FHOD3: variants seen among roughly 807,000 people sequenced by gnomAD.
FHOD3 encodes FH1/FH2 domain-containing protein 3.
In FHOD3, 90 loss-of-function variants were observed where a neutral mutation model predicts 173.0. That is an observed-to-expected ratio of 0.52 (90% CI 0.44 to 0.62). The LOEUF is 0.62. FHOD3 is among the 20% of genes least tolerant of loss of function. The pLI is 0.00. For synonymous variants in FHOD3, 828 were observed against 823.0 expected, an observed-to-expected ratio of 1.01 and a Z score of -0.10; for missense variants, 1,945 against 2,034.7, an observed-to-expected ratio of 0.96 and a Z score of 0.85.
intron 14 of FHOD3, among the ~76,000 whole-genome samples, chr18:36,659,585 T>TAGA (rs2036642673): frequency 1.3e-5 from 2 of 152,326 alleles, no homozygotes; most frequent in Admixed American, 1.3e-4. Context: ...CCTCAGGGAC[T>TAGA]AGAACCAGGC....
At chr18:36,509,359 G>A (rs371602956) in intron 4 of FHOD3, among the ~76,000 whole-genome samples, 7 of 150,592 alleles carry the variant, frequency 4.6e-5, no homozygotes, top group East Asian at 2.0e-4. Flanking sequence ...CCCGGGAGGC[G>A]GAGCTTGCAG....
intron 14 of FHOD3, among the ~76,000 whole-genome samples, chr18:36,664,777 TGAGAGAGAGAGA>T (rs373836211): frequency 4.3e-4 from 56 of 129,614 alleles, no homozygotes; most frequent in African/African-American, 1.2e-3. Flanking sequence ...TGTGTGTATG[TGAGAGAGAGAGA>T]GAGAGAGAGA....
intron 1 of FHOD3, among the ~76,000 whole-genome samples, chr18:36,344,289 A>C (rs1162468077): frequency 6.6e-6 from 1 of 152,232 alleles, no homozygotes; most frequent in Non-Finnish European, 1.5e-5. Flanking sequence ...AATCTAAGTG[A>C]ATATTGACTG....
At chr18:36,577,980 A>C (rs973429778) in intron 6 of FHOD3, among the ~76,000 whole-genome samples, 3 of 149,524 alleles carry the variant, frequency 2.0e-5, no homozygotes, top group Non-Finnish European at 2.9e-5. Context: ...CCAAGGTTAA[A>C]GTGCTGTACG....
At chr18:36,745,120 C>T (rs1445071932) in intron 23 of FHOD3, among the ~76,000 whole-genome samples, 2 of 152,104 alleles carry the variant, frequency 1.3e-5, no homozygotes, top group African/African-American at 4.8e-5. Context: ...AAGGGGCCCT[C>T]CCTCTCTGTC....
chr18:36,302,395 C>T (rs1199117759), intron 1 of FHOD3, among the ~76,000 whole-genome samples: 8 of 151,724 alleles, frequency 5.3e-5, no homozygotes, highest in Non-Finnish European at 7.4e-5. Context: ...CACCGCCCCT[C>T]CCCCCCGACC....
intron 3 of FHOD3, among the ~76,000 whole-genome samples, chr18:36,430,326 C>T (rs1171073280): frequency 1.3e-5 from 2 of 152,176 alleles, no homozygotes; most frequent in African/African-American, 2.4e-5. Context: ...AAGCGATTCT[C>T]CCGCCTCAGC....
intron 9 of FHOD3, 121 bp downstream of exon 9, chr18:36,612,216 G>T (rs1437089998): frequency 1.9e-6 from 2 of 1,066,756 alleles, no homozygotes; most frequent in African/African-American, 1.6e-5. Context: ...TAGAAACTCA[G>T]CATCGTAGGC....
chr18:36,594,433 A>T (rs1030018462), intron 6 of FHOD3, among the ~76,000 whole-genome samples: 1 of 152,146 alleles, frequency 6.6e-6, no homozygotes, highest in African/African-American at 2.4e-5. Context: ...ACAGTGTTAT[A>T]GCTGGGGTAA....
chr18:36,385,730 G>T (rs982331678), intron 3 of FHOD3, among the ~76,000 whole-genome samples: 1 of 152,176 alleles, frequency 6.6e-6, no homozygotes, highest in South Asian at 2.1e-4. Context: ...ATACATTTTA[G>T]AATGTTGCAG....
At chr18:36,654,379 A>T (rs1447839187) in intron 13 of FHOD3, among the ~76,000 whole-genome samples, 1 of 152,228 alleles carries the variant, frequency 6.6e-6, no homozygotes, top group Non-Finnish European at 1.5e-5. Flanking sequence ...TTTCCCTCCA[A>T]GTTTTGAGAA....
intron 4 of FHOD3, among the ~76,000 whole-genome samples, chr18:36,504,020 G>A (rs1175333952): frequency 6.6e-6 from 1 of 152,146 alleles, no homozygotes; most frequent in African/African-American, 2.4e-5. Context: ...CACTTTCCAG[G>A]TTCAAGTGAT....
chr18:36,527,226 G>T (rs972123063), intron 5 of FHOD3, among the ~76,000 whole-genome samples: 2 of 152,166 alleles, frequency 1.3e-5, no homozygotes, highest in Non-Finnish European at 2.9e-5. Flanking sequence ...TTGTAGTACT[G>T]CTCTTTAAAG....
At chr18:36,360,870 A>G (rs576826811) in intron 2 of FHOD3, among the ~76,000 whole-genome samples, 2 of 152,344 alleles carry the variant, frequency 1.3e-5, no homozygotes, top group Admixed American at 1.3e-4. Flanking sequence ...AACCTCACCC[A>G]TTCACACATT....
intron 1 of FHOD3, among the ~76,000 whole-genome samples, chr18:36,315,604 T>C (rs1434008380): frequency 6.6e-6 from 1 of 152,140 alleles, no homozygotes; most frequent in Non-Finnish European, 1.5e-5. Flanking sequence ...ACATTAGAGT[T>C]TGTGAACAGT....
intron 19 of FHOD3, among the ~76,000 whole-genome samples, chr18:36,720,860 C>A (rs377677659): frequency 1.3e-5 from 2 of 151,892 alleles, no homozygotes; most frequent in Admixed American, 6.6e-5. Flanking sequence ...TCGTGGTTCC[C>A]GATCAGGTTG....
intron 1 of FHOD3, among the ~76,000 whole-genome samples, chr18:36,345,235 C>T (rs1337897538): frequency 6.6e-6 from 1 of 151,530 alleles, no homozygotes; most frequent in Non-Finnish European, 1.5e-5. Context: ...TGAAATTAAG[C>T]AAGAAATCTA....
chr18:36,779,523 A>C lies in FHOD3; in HGVS notation c.4862A>C (p.Gln1621Pro), dbSNP rs2150504006. 2.5e-6 allele frequency: 4 copies of C among 1,614,122 alleles called. No individual in the cohort carries two copies. Among genetic ancestry groups the C allele is most frequent in the Non-Finnish European group, 3.4e-6 (4 of 1,179,992 alleles). ...GGCTTGGTTGGCACCTCGGAGTTGC[A>C]GCTGTGACACTCATAGGTTACTCCC... ...ALGLVGTSEL[Q>P]L The change falls in exon 29 of 29, where the codon CAG (glutamine) becomes CCG (proline). Residue 1621 changes from glutamine (Q) to proline (P), a missense_variant. This residue lies in a region of FHOD3 where 354 missense variants were observed against 359.9 expected (regional missense o/e 0.98). Transcript: ENST00000590592.
At chr18:36,310,225 G>A (rs1347064533) in intron 1 of FHOD3, among the ~76,000 whole-genome samples, 2 of 152,214 alleles carry the variant, frequency 1.3e-5, no homozygotes, top group African/African-American at 2.4e-5. Flanking sequence ...TATGTGGTAA[G>A]CTTTATTTCT....
Sources: gnomAD v4.1 joint callset for allele counts (sites outside exome capture counted in the v4.1 genomes callset) on GRCh38, gnomAD v4.1.1 for gene constraint, gnomAD v4.1.1 regional missense constraint, MANE v1.5 for transcripts, NCBI Gene and HGNC (gene_info 2026-07-23, HGNC 2026-07-21) for gene names.